Variants in MIR2052HG observed in about 807,000 individuals in gnomAD.
MIR2052HG encodes the protein MIR2052 host gene.
At chr8:74,675,793 T>A (rs1285309780) in intron 2 of MIR2052HG, among the ~76,000 whole-genome samples, 1 of 151,944 alleles carries the variant, frequency 6.6e-6, no homozygotes, top group Non-Finnish European at 1.5e-5. Flanking sequence ...TTAGAGAGGA[T>A]GAAAACAATC....
intron 2 of MIR2052HG, among the ~76,000 whole-genome samples, chr8:74,644,709 G>C (rs1429038072): frequency 6.6e-6 from 1 of 151,868 alleles, no homozygotes. Context: ...TGGGAAACAT[G>C]GCAAAACCCT....
intron 2 of MIR2052HG, among the ~76,000 whole-genome samples, chr8:74,636,892 G>C (rs961005417): frequency 1.2e-4 from 18 of 152,150 alleles, no homozygotes; most frequent in African/African-American, 3.9e-4. Context: ...AGATTCTGAA[G>C]TCTGGGTTGG....
intron 2 of MIR2052HG, among the ~76,000 whole-genome samples, chr8:74,679,900 A>G (rs1809101506): frequency 6.6e-6 from 1 of 152,154 alleles, no homozygotes; most frequent in East Asian, 1.9e-4. Flanking sequence ...AATTAGGAAC[A>G]AGACAAAAGT....
At chr8:74,726,151 C>T (rs2128754437) in intron 4 of MIR2052HG, among the ~76,000 whole-genome samples, 1 of 152,148 alleles carries the variant, frequency 6.6e-6, no homozygotes, top group Non-Finnish European at 1.5e-5. Flanking sequence ...CAAAATCGCG[C>T]CATTGCACTC....
At chr8:74,738,166 TC>T (rs1289421689) in intron 4 of MIR2052HG, among the ~76,000 whole-genome samples, 2 of 151,930 alleles carry the variant, frequency 1.3e-5, no homozygotes, top group East Asian at 1.9e-4. Context: ...CCTATCTATC[TC>T]ATCTATCTTT....
intron 3 of MIR2052HG, among the ~76,000 whole-genome samples, chr8:74,703,206 T>C (rs1341039346): frequency 6.6e-6 from 1 of 151,980 alleles, no homozygotes; most frequent in East Asian, 1.9e-4. Context: ...GGTGACCAAA[T>C]CTTGTGATGC....
At chr8:74,750,432 A>G (rs1306485062) in intron 4 of MIR2052HG, among the ~76,000 whole-genome samples, 1 of 152,224 alleles carries the variant, frequency 6.6e-6, no homozygotes. Context: ...AGATTTTACA[A>G]TCATAAACTA....
At chr8:74,627,622 G>A (rs1808453614) in intron 2 of MIR2052HG, among the ~76,000 whole-genome samples, 1 of 152,156 alleles carries the variant, frequency 6.6e-6, no homozygotes, top group South Asian at 2.1e-4. Context: ...TTTGATGTGA[G>A]ATTGATAATG....
intron 3 of MIR2052HG, chr8:74,702,502 C>G: frequency 2.4e-6 from 1 of 410,158 alleles, no homozygotes; most frequent in Non-Finnish European, 5.0e-6. Flanking sequence ...AATGTCTGCA[C>G]ACATCCTACT....
chr8:74,640,085 T>C (rs1320327216), intron 2 of MIR2052HG, among the ~76,000 whole-genome samples: 1 of 152,154 alleles, frequency 6.6e-6, no homozygotes, highest in Admixed American at 6.6e-5. Context: ...TTCACTTCTT[T>C]AATCCATAGT....
intron 2 of MIR2052HG, among the ~76,000 whole-genome samples, chr8:74,670,317 A>G (rs970850054): frequency 6.8e-6 from 1 of 146,844 alleles, no homozygotes; most frequent in East Asian, 2.0e-4. Context: ...TTGCCTCAAA[A>G]ATTATTTAAG....
chr8:74,724,094 G>T (rs1046475935), intron 4 of MIR2052HG, among the ~76,000 whole-genome samples: 3 of 152,036 alleles, frequency 2.0e-5, no homozygotes, highest in African/African-American at 7.2e-5. Context: ...GTTTAAATCT[G>T]TTCATGTTTA....
At chr8:74,672,402 G>T (rs905781616) in intron 2 of MIR2052HG, among the ~76,000 whole-genome samples, 1 of 152,092 alleles carries the variant, frequency 6.6e-6, no homozygotes, top group East Asian at 1.9e-4. Flanking sequence ...TGGGTAAAAG[G>T]ATATCATAGT....
chr8:74,689,130 T>A (rs1375226062), intron 2 of MIR2052HG, among the ~76,000 whole-genome samples: 1 of 152,144 alleles, frequency 6.6e-6, no homozygotes, highest in Non-Finnish European at 1.5e-5. Context: ...CCATACGTGG[T>A]TGTATTTTGT....
chr8:74,675,645 T>G (rs1193357141), intron 2 of MIR2052HG, among the ~76,000 whole-genome samples: 1 of 151,942 alleles, frequency 6.6e-6, no homozygotes, highest in Non-Finnish European at 1.5e-5. Flanking sequence ...AGTGGGGTCA[T>G]TAGAAAAGAC....
rs1382592641 is a variant in MIR2052HG at position 74,674,765 on chromosome 8, CA to C, written n.217-27613del. ...ATCATATTGATAAACAAATGATTAACAGGTTCAATAAGAACCTGTTAATTAC... is the reference window on the plus strand; with the variant it reads ...ATCATATTGATAAACAAATGATTAACGGTTCAATAAGAACCTGTTAATTAC... On this transcript the variant is annotated intron_variant and non_coding_transcript_variant, in intron 2 of 6. Coordinates refer to ENST00000523442, the Ensembl canonical transcript of MIR2052HG. 2.0e-5 allele frequency among the ~76,000 whole-genome samples: 3 copies of C among 151,972 alleles called. No individual in the cohort carries two copies. In the East Asian group the frequency reaches 5.8e-4, roughly 30 times the overall value.
At chr8:74,638,163 T>C (rs535739385) in intron 2 of MIR2052HG, among the ~76,000 whole-genome samples, 23 of 152,208 alleles carry the variant, frequency 1.5e-4, no homozygotes, top group African/African-American at 5.1e-4. Context: ...TTGATGGAAG[T>C]TGGGGAGAGA....
intron 2 of MIR2052HG, among the ~76,000 whole-genome samples, chr8:74,637,066 A>G (rs1808589524): frequency 6.6e-6 from 1 of 152,192 alleles, no homozygotes; most frequent in African/African-American, 2.4e-5. Flanking sequence ...ATACAGTGAT[A>G]CACATATTTC....
intron 2 of MIR2052HG, among the ~76,000 whole-genome samples, chr8:74,646,137 A>G (rs117323582): frequency 7.2e-6 from 1 of 139,460 alleles, no homozygotes; most frequent in African/African-American, 2.9e-5. Flanking sequence ...TAGTGCCTAA[A>G]ATACAGTGTG....
Sources: gnomAD v4.1 joint callset for allele counts (sites outside exome capture counted in the v4.1 genomes callset) on GRCh38, gnomAD v4.1.1 for gene constraint, MANE v1.5 for transcripts, NCBI Gene and HGNC (gene_info 2026-07-23, HGNC 2026-07-21) for gene names.